Variants in SLC6A6 observed in about 807,000 individuals in gnomAD.
The protein encoded by SLC6A6 is solute carrier family 6 member 6.
In SLC6A6, 16 loss-of-function variants were observed where a neutral mutation model predicts 68.8. That is an observed-to-expected ratio of 0.23 (90% CI 0.16 to 0.35). The LOEUF is 0.35. Among genes scored for constraint, SLC6A6 ranks in the 10% least tolerant of loss-of-function variants. SLC6A6 has a pLI of 1.00. For missense variants in SLC6A6, 474 were observed against 802.8 expected (o/e 0.59, Z 4.95); for synonymous variants, 312 against 315.4 (o/e 0.99, Z 0.12).
intron 2 of SLC6A6, among the ~76,000 whole-genome samples, chr3:14,427,335 C>G (rs1410715721): frequency 1.3e-5 from 2 of 152,168 alleles, no homozygotes; most frequent in Non-Finnish European, 2.9e-5. Context: ...CGCCATCCAC[C>G]CTGTGAGGTC....
intron 2 of SLC6A6, among the ~76,000 whole-genome samples, chr3:14,434,975 G>T (rs551835030): frequency 6.6e-6 from 1 of 152,258 alleles, no homozygotes; most frequent in African/African-American, 2.4e-5. Flanking sequence ...AAGGTGACAA[G>T]TTGGCTGTCT....
chr3:14,404,381 G>T (rs909667592), intron 1 of SLC6A6, among the ~76,000 whole-genome samples: 2 of 152,150 alleles, frequency 1.3e-5, no homozygotes, highest in African/African-American at 4.8e-5. Flanking sequence ...GTGTTGGAGA[G>T]GATCCAAAGG....
At chr3:14,455,876 A>T (rs1700355258) in intron 5 of SLC6A6, among the ~76,000 whole-genome samples, 1 of 152,248 alleles carries the variant, frequency 6.6e-6, no homozygotes, top group African/African-American at 2.4e-5. Flanking sequence ...CCCCTGCCCC[A>T]AGGTGCCAGG....
chr3:14,409,169 A>G (rs1324138504), intron 1 of SLC6A6, among the ~76,000 whole-genome samples: 3 of 152,196 alleles, frequency 2.0e-5, no homozygotes, highest in African/African-American at 7.2e-5. Flanking sequence ...CACTTGGTCT[A>G]TCCCAATAGC....
intron 6 of SLC6A6, among the ~76,000 whole-genome samples, chr3:14,463,983 G>A (rs1301020117): frequency 6.6e-6 from 1 of 152,182 alleles, no homozygotes; most frequent in African/African-American, 2.4e-5. Flanking sequence ...TGAGGCCCAG[G>A]TCACCAGCAA....
At position 14,477,401 on chromosome 3, in the gene SLC6A6, A is replaced by G; in HGVS notation, c.1347+59A>G. On this transcript the variant is annotated intron_variant, in intron 11 of 14. Coordinates refer to ENST00000622186, the MANE Select transcript of SLC6A6 (RefSeq NM_003043.6). The surrounding 1 kb of genome is among the most constrained non-coding windows in gnomAD (Gnocchi z 4.2). ...GTGCTCCAGTGCCCTCCTCAAGGCC[A>G]TAGTGGAGGCAGCAGCTGGGTGAGA... 1.9e-6 allele frequency: 3 copies of G among 1,558,130 alleles called. No homozygotes were observed. Among genetic ancestry groups the G allele is most frequent in the Non-Finnish European group, 2.6e-6 (3 of 1,134,358 alleles).
intron 9 of SLC6A6, among the ~76,000 whole-genome samples, chr3:14,470,505 C>T (rs758403944): frequency 4.6e-5 from 7 of 152,134 alleles, no homozygotes; most frequent in Admixed American, 6.5e-5. Flanking sequence ...TAGAGAAAGA[C>T]GCTCAGACCC....
chr3:14,460,486 A>G (rs1455736630), intron 6 of SLC6A6, among the ~76,000 whole-genome samples: 1 of 152,082 alleles, frequency 6.6e-6, no homozygotes, highest in African/African-American at 2.4e-5. Context: ...TGTGGAGGGG[A>G]AAATCTCCAG....
chr3:14,429,965 G>C (rs1223145893), intron 2 of SLC6A6, among the ~76,000 whole-genome samples: 2 of 152,168 alleles, frequency 1.3e-5, no homozygotes, highest in Admixed American at 1.3e-4. Context: ...TTGAGCTGGA[G>C]GATGCTAAAC....
chr3:14,436,723 C>G (rs4402920), intron 2 of SLC6A6, among the ~76,000 whole-genome samples: 76,746 of 151,630 alleles, frequency 0.51, 19,690 homozygotes, highest in African/African-American at 0.58. Flanking sequence ...ATCAGAGTTC[C>G]CTGTTTGCTA....
chr3:14,419,347 A>C (rs1699436359), intron 2 of SLC6A6, among the ~76,000 whole-genome samples: 1 of 152,178 alleles, frequency 6.6e-6, no homozygotes, highest in Non-Finnish European at 1.5e-5. Context: ...CGCCCTCCTC[A>C]CTGGGCACGT....
intron 6 of SLC6A6, among the ~76,000 whole-genome samples, chr3:14,459,234 A>G (rs1416207848): frequency 6.6e-6 from 1 of 152,164 alleles, no homozygotes; most frequent in Non-Finnish European, 1.5e-5. Context: ...AAGTCAAAGG[A>G]GCGTCTTAAG....
chr3:14,450,936 C>T lies in SLC6A6; in HGVS notation c.599+3120C>T, dbSNP rs1700237545. Among the ~76,000 whole-genome samples the T allele has an allele frequency of 6.6e-6, 1 of 152,244 alleles. No individual in the cohort carries two copies. The highest frequency in any genetic ancestry group is 2.4e-5 in the African/African-American group (1 of 41,458). Reference sequence around the variant, plus strand: ...TAGCTAGGCATCATCCAAAACTCTTCTTTCTACCTCAAATCCCACATCCAA... The same window carrying T: ...TAGCTAGGCATCATCCAAAACTCTTTTTTCTACCTCAAATCCCACATCCAA... On this transcript the variant is annotated intron_variant, in intron 5 of 14. Coordinates refer to ENST00000622186, the MANE Select transcript of SLC6A6 (RefSeq NM_003043.6). This position sits in a 1 kb window ranked among gnomAD's most constrained non-coding sequence, Gnocchi z 4.1.
intron 2 of SLC6A6, among the ~76,000 whole-genome samples, chr3:14,435,285 G>A (rs1054566872): frequency 1.1e-4 from 16 of 152,202 alleles, no homozygotes; most frequent in African/African-American, 3.6e-4. Flanking sequence ...GAGGCCGGGG[G>A]TGAGGTAGAG....
chr3:14,436,888 C>A (rs943715759), intron 2 of SLC6A6, among the ~76,000 whole-genome samples: 2 of 152,218 alleles, frequency 1.3e-5, no homozygotes, highest in African/African-American at 2.4e-5. Flanking sequence ...CCCTTCACTT[C>A]CCTGTTTGCC....
chr3:14,481,826 G>A lies in SLC6A6; in HGVS notation c.1707G>A (p.Glu569=). ...LVIVIRLCQT[E]GPFLVRVKYL... ...TCGTCATCCGCCTCTGCCAGACTGA[G>A]GGGCCGTTCCTTGTGGTAAGTGCTT... Residue 569 remains glutamate (E), a synonymous_variant, in exon 14 of 15, where the codon GAG becomes GAA. Coordinates refer to ENST00000622186, the MANE Select transcript of SLC6A6 (RefSeq NM_003043.6). This position sits in a 1 kb window ranked among gnomAD's most constrained non-coding sequence, Gnocchi z 4.7. The A allele has an allele frequency of 6.2e-7, 1 of 1,614,018 alleles. No homozygotes were observed. Among genetic ancestry groups the A allele is most frequent in the Non-Finnish European group, 8.5e-7 (1 of 1,179,930 alleles).
intron 2 of SLC6A6, among the ~76,000 whole-genome samples, chr3:14,417,908 A>G (rs184312551): frequency 1.3e-5 from 2 of 152,262 alleles, no homozygotes; most frequent in East Asian, 1.9e-4. Flanking sequence ...CAGGATCGTC[A>G]TTATGTTTTT....
intron 1 of SLC6A6, among the ~76,000 whole-genome samples, chr3:14,409,514 A>G (rs866137421): frequency 6.6e-6 from 1 of 152,258 alleles, no homozygotes; most frequent in African/African-American, 2.4e-5. Context: ...CTGGACCCAG[A>G]GTCCACCGGA....
In SLC6A6 at chr3:14,485,054, C is replaced by A; in HGVS notation, c.*47C>A. 6.5e-7 allele frequency: 1 copy of A among 1,528,582 alleles called. No individual in the cohort carries two copies. Among genetic ancestry groups the A allele is most frequent in the Non-Finnish European group, 8.9e-7 (1 of 1,119,814 alleles). 94.7% of individuals were successfully genotyped at this position (1,528,582 alleles called of 1,614,324 possible). ...CGGCGGCTTTCCTGCTGTTTACTAA[C>A]ATTAGATTCTCATAGGACCAGGTTT... On this transcript the variant is annotated 3_prime_UTR_variant, in exon 15 of 15. Transcript: ENST00000622186.
Sources: allele counts gnomAD v4.1 joint callset (sites outside exome capture counted in the v4.1 genomes callset), GRCh38; gene constraint gnomAD v4.1.1; non-coding constraint Gnocchi (gnomAD v3.1); transcripts MANE v1.5; gene names NCBI Gene and HGNC (gene_info 2026-07-23, HGNC 2026-07-21).